UBE3A: variants seen among roughly 807,000 people sequenced by gnomAD.
The protein encoded by UBE3A is ubiquitin-protein ligase E3A.
In UBE3A, 6 loss-of-function variants were observed where a neutral mutation model predicts 83.4. The observed-to-expected ratio is 0.07, with a 90% CI of 0.04 to 0.14. The LOEUF (loss-of-function observed/expected upper bound fraction) is 0.14, where lower values mean the gene tolerates loss of function less well. Among genes scored for constraint, UBE3A ranks in the 10% least tolerant of loss-of-function variants. The probability of loss-of-function intolerance (pLI) is 1.00; values close to 1 mark genes in which losing one functional copy is unlikely to be tolerated. For synonymous variants in UBE3A, 337 were observed against 355.4 expected (o/e 0.95, Z 0.58); for missense variants, 456 against 1,036.1 (o/e 0.44, Z 7.69).
At position 25,337,688 on chromosome 15, in the gene UBE3A, C is replaced by CAATCA. The variant is rs1217352070; in HGVS notation, c.*1444_*1448dup. On this transcript the variant is annotated 3_prime_UTR_variant, in exon 13 of 13. Transcript: ENST00000648336. ...ACAGTAATCAGTTAAAACAATCAGT[C>CAATCA]AATCAATCAATCAATCACCAAGGCA... 8 of 152,074 alleles carry CAATCA rather than the reference C, an allele frequency of 5.3e-5. No individual in the cohort carries two copies. The highest frequency in any genetic ancestry group is 1.4e-4 in the African/African-American group (6 of 41,510). 9.4% of individuals were successfully genotyped at this position (152,074 alleles called of 1,614,324 possible).
At chr15:25,433,465 C>T (rs1708500487) in intron 1 of UBE3A, among the ~76,000 whole-genome samples, 1 of 152,102 alleles carries the variant, frequency 6.6e-6, no homozygotes, top group South Asian at 2.1e-4. Context: ...GGATGACAGG[C>T]GTGAGCCATG....
intron 11 of UBE3A, among the ~76,000 whole-genome samples, chr15:25,350,434 A>C (rs12899780): frequency 0.12 from 18,213 of 152,206 alleles, 1,165 homozygotes; most frequent in Middle Eastern, 0.23. Context: ...CTGCTGACCA[A>C]AGATAACTGA....
At chr15:25,347,514 A>G (rs2075869529) in intron 11 of UBE3A, among the ~76,000 whole-genome samples, 1 of 152,146 alleles carries the variant, frequency 6.6e-6, no homozygotes. Flanking sequence ...AGCCTGGCCA[A>G]TATGGTGAAA....
intron 1 of UBE3A, among the ~76,000 whole-genome samples, chr15:25,434,969 TACACACACACACACACACACAC>T (rs55856025): frequency 2.1e-4 from 30 of 142,886 alleles, no homozygotes; most frequent in South Asian, 1.6e-3. Flanking sequence ...TCTATATACA[TACACACACACACACACACACAC>T]ACACACACAC....
chr15:25,394,346 T>C (rs1379670496), intron 4 of UBE3A, among the ~76,000 whole-genome samples: 1 of 152,188 alleles, frequency 6.6e-6, no homozygotes, highest in Non-Finnish European at 1.5e-5. Flanking sequence ...GAAATAGATG[T>C]CAGACTACCT....
intron 1 of UBE3A, chr15:25,412,937 GA>G (rs2090251715): frequency 7.3e-6 from 3 of 413,424 alleles, no homozygotes; most frequent in Non-Finnish European, 1.4e-5. Flanking sequence ...AGGGGTAAAT[GA>G]ATTTTTTTTT....
intron 8 of UBE3A, among the ~76,000 whole-genome samples, 175 bp downstream of exon 8, chr15:25,356,516 C>G (rs993566724): frequency 9.9e-5 from 15 of 152,076 alleles, no homozygotes; most frequent in Non-Finnish European, 2.2e-4. Context: ...AAAAATGTCC[C>G]CCTTTGAGTT....
At chr15:25,390,292 A>G (rs1214514686) in intron 4 of UBE3A, among the ~76,000 whole-genome samples, 1 of 152,196 alleles carries the variant, frequency 6.6e-6, no homozygotes, top group Non-Finnish European at 1.5e-5. Flanking sequence ...TGCACTCCCT[A>G]GTATTTACAG....
chr15:25,335,903 C>G lies in UBE3A; in HGVS notation c.*3234G>C, dbSNP rs1366202233. On this transcript the variant is annotated 3_prime_UTR_variant, in exon 13 of 13. Transcript: ENST00000648336. ...ACAAGTAGCCAGAGAAGCAACAGCCCAAGCTAGGGTGTTGTCAAGGTTATA... is the reference window on the plus strand; with the variant it reads ...ACAAGTAGCCAGAGAAGCAACAGCCGAAGCTAGGGTGTTGTCAAGGTTATA... 1 of 152,122 alleles carries G rather than the reference C, an allele frequency of 6.6e-6. No individual in the cohort carries two copies. The highest frequency in any genetic ancestry group is 2.4e-5 in the African/African-American group (1 of 41,390). The allele number at this position is 152,122 out of a possible 1,614,324, so 9.4% of individuals were successfully genotyped here.
rs191825505 is a variant in UBE3A, at chr15:25,363,392, A to G, written c.1609-2865T>C. ...AAAATATTTTCTGAAAACCTACCATAGCATTATAGAACAAAAATATTCCAT... is the reference window on the plus strand; with the variant it reads ...AAAATATTTTCTGAAAACCTACCATGGCATTATAGAACAAAAATATTCCAT... On this transcript the variant is annotated intron_variant, in intron 6 of 12. Transcript: ENST00000648336. Among the ~76,000 whole-genome samples the G allele has an allele frequency of 4.0e-3, 615 of 152,326 alleles. 2 individuals carry two copies. Among genetic ancestry groups the G allele is most frequent in the Middle Eastern group, 0.01 (3 of 294 alleles).
Position 25,359,511 on chromosome 15 carries a change from A to G in UBE3A, c.1753+872T>C, listed in dbSNP as rs370973138. On this transcript the variant is annotated intron_variant, in intron 7 of 12. Coordinates refer to ENST00000648336, the MANE Select transcript of UBE3A (RefSeq NM_130839.5). ...TCAACTCAATTAGAATCAACAGGCT[A>G]TAACAGCTCAAATCTCAAAGCTGAA... Among the ~76,000 whole-genome samples, 65 of 151,614 alleles carry G rather than the reference A, an allele frequency of 4.3e-4. 1 individual carries two copies. Among genetic ancestry groups the G allele is most frequent in the Admixed American group, 7.2e-4 (11 of 15,180 alleles).
chr15:25,411,591 A>G (rs763471220), intron 2 of UBE3A, among the ~76,000 whole-genome samples: 8 of 152,118 alleles, frequency 5.3e-5, no homozygotes, highest in Non-Finnish European at 1.2e-4. Flanking sequence ...CTCTGTCTCA[A>G]AAACAACAGC....
At chr15:25,418,312 T>C (rs1887971089) in intron 1 of UBE3A, 1 of 152,038 alleles carries the variant, frequency 6.6e-6, no homozygotes, top group South Asian at 2.1e-4. Flanking sequence ...AAGAAACATA[T>C]ATGTCCACAC....
chr15:25,357,207 A>C, intron 7 of UBE3A: 2 of 211,628 alleles, frequency 9.5e-6, no homozygotes, highest in South Asian at 1.7e-4. Context: ...CTAACACATA[A>C]GAAAAGTTAT....
intron 1 of UBE3A, chr15:25,412,975 C>A: frequency 2.3e-6 from 1 of 433,168 alleles, no homozygotes; most frequent in Non-Finnish European, 4.6e-6. Context: ...AACCCAAGAA[C>A]GCAGAAATGA....
At chr15:25,350,484 A>G (rs1192162421) in intron 11 of UBE3A, among the ~76,000 whole-genome samples, 1 of 152,202 alleles carries the variant, frequency 6.6e-6, no homozygotes, top group Non-Finnish European at 1.5e-5. Context: ...ACATACTGCT[A>G]TATTTTAAGA....
chr15:25,391,073 A>G (rs2084255921), intron 4 of UBE3A, among the ~76,000 whole-genome samples: 3 of 152,226 alleles, frequency 2.0e-5, no homozygotes, highest in African/African-American at 7.2e-5. Context: ...CAACATTACA[A>G]TATTCAAGAA....
In UBE3A at chr15:25,339,105, C is replaced by CTTTTTTTTTT; in HGVS notation, c.*31_*32insAAAAAAAAAA. On this transcript the variant is annotated 3_prime_UTR_variant, in exon 13 of 13. Transcript: ENST00000648336. ...TAAATTTTTTCTTTTTTTTTCCTTCCTTTTTTTTGTTTTATTTTGTTTTGT... is the reference window on the plus strand; with the variant it reads ...TAAATTTTTTCTTTTTTTTTCCTTCCTTTTTTTTTTTTTTTTTTGTTTTATTTTGTTTTGT... 2 of 1,440,478 alleles carry CTTTTTTTTTT rather than the reference C, an allele frequency of 1.4e-6. No homozygotes were observed. Among genetic ancestry groups the CTTTTTTTTTT allele is most frequent in the Non-Finnish European group, 1.8e-6 (2 of 1,088,584 alleles). 89.2% of individuals were successfully genotyped at this position (1,440,478 alleles called of 1,614,324 possible). A position where few individuals can be genotyped will look rare whatever the true frequency, so the allele number is the denominator to read the frequency against.
At chr15:25,397,918 A>G (rs2085951646) in intron 4 of UBE3A, among the ~76,000 whole-genome samples, 1 of 152,094 alleles carries the variant, frequency 6.6e-6, no homozygotes, top group Non-Finnish European at 1.5e-5. Context: ...ATTTCAGCAA[A>G]TCACTCCCTT....
Sources: allele counts gnomAD v4.1 joint callset (sites outside exome capture counted in the v4.1 genomes callset), GRCh38; gene constraint gnomAD v4.1.1; transcripts MANE v1.5; gene names NCBI Gene and HGNC (gene_info 2026-07-23, HGNC 2026-07-21).